The following TBCE variants were observed in gnomAD, a reference collection of about 807,000 sequenced individuals.
The protein encoded by TBCE is tubulin-specific chaperone E.
In TBCE, 53 loss-of-function variants were observed where a neutral mutation model predicts 77.0. That is an observed-to-expected ratio of 0.69 (90% CI 0.55 to 0.87). The LOEUF (loss-of-function observed/expected upper bound fraction) is 0.87. Ranked by LOEUF, TBCE falls within the 40% of genes least tolerant of loss-of-function variation. The probability of loss-of-function intolerance (pLI) is 0.00; values close to 1 mark genes in which losing one functional copy is unlikely to be tolerated. For missense variants in TBCE, 624 were observed against 622.4 expected (o/e 1.00, Z -0.03); for synonymous variants, 235 against 241.3 (o/e 0.97, Z 0.24).
Position 235,448,991 on chromosome 1 carries a change from AT to A in TBCE, c.*232del. 2.2e-6 allele frequency: 1 copy of A among 454,238 alleles called. No homozygotes were observed. The highest frequency in any genetic ancestry group is 4.1e-6 in the Non-Finnish European group (1 of 246,708). 28.1% of individuals were successfully genotyped at this position (454,238 alleles called of 1,614,324 possible). ...TAATGATTTTCTGATCTTATTTCAT[AT>A]TTATTTTTACAGCTCATCACTGCAT... On this transcript the variant is annotated 3_prime_UTR_variant, in exon 17 of 17. Transcript: ENST00000642610.
In TBCE at chr1:235,450,151, A is replaced by T; in HGVS notation, c.*1389A>T. The stretch of plus-strand genomic sequence containing the variant: ...AAACCCTGGGACTCCTCAGACTTGC[A>T]CTCAGATTATCGTTTGCCTGCCCTG... On this transcript the variant is annotated 3_prime_UTR_variant, in exon 17 of 17. Transcript: ENST00000642610. The T allele has an allele frequency of 6.2e-7, 1 of 1,602,180 alleles. No homozygotes were observed. The highest frequency in any genetic ancestry group is 1.3e-5 in the African/African-American group (1 of 74,772).
At chr1:235,425,196 C>T (rs1353501873) in intron 5 of TBCE, among the ~76,000 whole-genome samples, 1 of 152,146 alleles carries the variant, frequency 6.6e-6, no homozygotes, top group Non-Finnish European at 1.5e-5. Context: ...AAAACTAAGA[C>T]CCACGCCTGC....
Position 235,430,806 on chromosome 1 carries a change from T to C in TBCE, c.660+2T>C. 6.2e-7 allele frequency: 1 copy of C among 1,610,680 alleles called. No homozygotes were observed. The highest frequency in any genetic ancestry group is 8.5e-7 in the Non-Finnish European group (1 of 1,177,134). On this transcript the variant is annotated splice_donor_variant, in intron 7 of 16. Coordinates refer to ENST00000642610, the MANE Select transcript of TBCE (RefSeq NM_003193.5). LOFTEE classifies it high-confidence loss of function. ...CAAACAGGAATAACGTGGGCTGAGG[T>C]AATCATATTTCTTTGTTTTATTACA...
At chr1:235,375,815 G>T (rs1277013789) in intron 1 of TBCE, among the ~76,000 whole-genome samples, 1 of 152,096 alleles carries the variant, frequency 6.6e-6, no homozygotes, top group Non-Finnish European at 1.5e-5. Context: ...GGCCGAGATG[G>T]GTGAATCACC....
intron 2 of TBCE, among the ~76,000 whole-genome samples, chr1:235,387,070 A>AAAC: frequency 6.6e-6 from 1 of 152,310 alleles, no homozygotes; most frequent in South Asian, 2.1e-4. Context: ...TCCACTCCAG[A>AAAC]CCGTTTGCCT....
intron 8 of TBCE, among the ~76,000 whole-genome samples, chr1:235,435,420 A>T (rs952778631): frequency 6.6e-6 from 1 of 151,428 alleles, no homozygotes; most frequent in African/African-American, 2.4e-5. Flanking sequence ...TTTAAATTAA[A>T]TTTTTTTATT....
intron 15 of TBCE, among the ~76,000 whole-genome samples, chr1:235,443,772 G>A (rs905958974): frequency 2.0e-5 from 3 of 152,112 alleles, no homozygotes; most frequent in African/African-American, 7.2e-5. Flanking sequence ...CCCTGAAATG[G>A]TTTTCTTTGA....
rs922408783 is a variant in TBCE at position 235,451,211 on chromosome 1, C to T, written c.*2449C>T. 1.3e-5 allele frequency: 2 copies of T among 152,156 alleles called. No homozygotes were observed. The highest frequency in any genetic ancestry group is 2.9e-5 in the Non-Finnish European group (2 of 68,062). The allele number at this position is 152,156 out of a possible 1,614,324, so 9.4% of individuals were successfully genotyped here. On this transcript the variant is annotated 3_prime_UTR_variant, in exon 17 of 17. Transcript: ENST00000642610. ...GGGTGATAAAACAAAACACACTCAG[C>T]TTGTCTGTCTCAGTCTTGCCCCTCA...
chr1:235,392,149 C>G (rs1308729360), intron 2 of TBCE, among the ~76,000 whole-genome samples: 2 of 151,310 alleles, frequency 1.3e-5, no homozygotes, highest in African/African-American at 2.4e-5. Flanking sequence ...TAACAAGATC[C>G]CTGTCTCTAG....
intron 15 of TBCE, among the ~76,000 whole-genome samples, chr1:235,446,695 GT>G (rs11405266): frequency 1.5e-3 from 210 of 138,878 alleles, no homozygotes; most frequent in Middle Eastern, 3.7e-3. Flanking sequence ...GAGTAGGCAG[GT>G]TTTTTTTTTT....
intron 15 of TBCE, 57 bp from the exon 16 acceptor site, chr1:235,448,292 G>C: frequency 7.1e-7 from 1 of 1,400,966 alleles, no homozygotes; most frequent in Non-Finnish European, 1.0e-6. Context: ...ACATGAGCTA[G>C]TTTTACAGGT....
chr1:235,370,740 C>T, intron 1 of TBCE, among the ~76,000 whole-genome samples: 2 of 28,626 alleles, frequency 7.0e-5, no homozygotes, highest in Non-Finnish European at 7.5e-5. Context: ...TCCTCCTTGT[C>T]TTTTCTTTTT....
At chr1:235,398,641 C>A (rs1488139700) in intron 2 of TBCE, among the ~76,000 whole-genome samples, 4 of 141,602 alleles carry the variant, frequency 2.8e-5, no homozygotes, top group Non-Finnish European at 6.1e-5. Flanking sequence ...TTTTTTGAGA[C>A]AAGGTCTTAC....
intron 15 of TBCE, among the ~76,000 whole-genome samples, chr1:235,445,683 A>G (rs1373073005): frequency 2.6e-5 from 4 of 151,926 alleles, no homozygotes; most frequent in African/African-American, 4.8e-5. Flanking sequence ...TTTTTTATCC[A>G]TTAGATTAGC....
chr1:235,400,408 C>CTT lies in TBCE; in HGVS notation c.101-1086_101-1085dup, dbSNP rs71174425. Among the ~76,000 whole-genome samples, 19 of 106,030 alleles carry CTT rather than the reference C, an allele frequency of 1.8e-4. No homozygotes were observed. In the South Asian group the frequency reaches 3.9e-3, roughly 22 times the overall value. The allele number at this position is 106,030 out of a possible 152,430, so 69.6% of individuals were successfully genotyped here. On this transcript the variant is annotated intron_variant, in intron 2 of 16. Transcript: ENST00000642610. Reference sequence around the variant, plus strand: ...ATTGAAGGAAAAAATTATTTTTCCTCTTTTTTTTTTGAGATGGAGTCTCGC... The same window carrying CTT: ...ATTGAAGGAAAAAATTATTTTTCCTCTTTTTTTTTTTTGAGATGGAGTCTCGC...
intron 2 of TBCE, among the ~76,000 whole-genome samples, chr1:235,400,329 T>G (rs1679017194): frequency 6.6e-6 from 1 of 152,078 alleles, no homozygotes; most frequent in South Asian, 2.1e-4. Context: ...TAGGCTTCTA[T>G]CTGGTATAAT....
intron 1 of TBCE, among the ~76,000 whole-genome samples, chr1:235,373,941 A>C (rs892095496): frequency 6.9e-6 from 1 of 144,034 alleles, no homozygotes; most frequent in African/African-American, 2.7e-5. Flanking sequence ...GAGCCACCGC[A>C]CCCAGACTTG....
intron 13 of TBCE, chr1:235,441,148 T>C (rs1035347882): frequency 6.5e-6 from 1 of 152,796 alleles, no homozygotes. Flanking sequence ...GGGCAGGTAT[T>C]GTTGAGTATT....
At chr1:235,432,005 A>G (rs1235634462) in intron 7 of TBCE, among the ~76,000 whole-genome samples, 2 of 150,238 alleles carry the variant, frequency 1.3e-5, no homozygotes, top group Non-Finnish European at 3.0e-5. Flanking sequence ...TTTTCTTGAG[A>G]CAGAGTCTCG....
Sources: allele counts gnomAD v4.1 joint callset (sites outside exome capture counted in the v4.1 genomes callset), GRCh38; gene constraint gnomAD v4.1.1; transcripts MANE v1.5; gene names NCBI Gene and HGNC (gene_info 2026-07-23, HGNC 2026-07-21).